Variants in DMRT2 observed in about 807,000 individuals in gnomAD.
DMRT2 encodes doublesex- and mab-3-related transcription factor 2.
In DMRT2, 33 loss-of-function variants were observed where a neutral mutation model predicts 43.5. That is an observed-to-expected ratio of 0.76 (90% confidence interval 0.58 to 1.01). The LOEUF (loss-of-function observed/expected upper bound fraction) is 1.01. Among genes scored for constraint, DMRT2 ranks in the 50% least tolerant of loss-of-function variants. The probability of loss-of-function intolerance (pLI) is 0.00; values close to 1 mark genes in which losing one functional copy is unlikely to be tolerated. For missense variants in DMRT2, 1,064 were observed against 748.0 expected (o/e 1.42, Z -4.93); for synonymous variants, 395 against 309.2 (o/e 1.28, Z -2.91).
At chr9:1,052,219 C>A (rs1009119554) in intron 2 of DMRT2, 81 bp downstream of exon 2, 1 of 1,180,040 alleles carries the variant, frequency 8.5e-7, no homozygotes, top group Non-Finnish European at 1.1e-6. Context: ...CCGTCCACAC[C>A]CCCCGCGCCC....
chr9:1,054,527 T>A (rs1302833957), intron 3 of DMRT2: 1 of 151,962 alleles, frequency 6.6e-6, no homozygotes, highest in Non-Finnish European at 1.5e-5. Flanking sequence ...GCAAGCGAAG[T>A]GGAGGTTGAA....
rs754033173 is a variant in DMRT2, at chr9:1,056,684, C to T, written c.1097C>T (p.Ser366Leu). 1 of 1,614,212 alleles carries T rather than the reference C, an allele frequency of 6.2e-7. No homozygotes were observed. Among genetic ancestry groups the T allele is most frequent in the Non-Finnish European group, 8.5e-7 (1 of 1,180,038 alleles). ...YQQCLLNATT[S>L]VQALKPGASW... is the part of the protein sequence containing the mutation. Reference sequence around the variant, plus strand: ...CAATGCCTGCTAAATGCCACCACCTCAGTTCAAGCCCTGAAGCCTGGGGCC... The same window carrying T: ...CAATGCCTGCTAAATGCCACCACCTTAGTTCAAGCCCTGAAGCCTGGGGCC... The change falls in exon 4 of 4, where the codon TCA becomes TTA. Residue 366 changes from serine to leucine, a missense_variant. Ser to Leu is a moderately radical substitution (Grantham distance 145, BLOSUM62 -2). Coordinates refer to ENST00000358146, the MANE Select transcript of DMRT2 (RefSeq NM_181872.6).
At chr9:1,052,264 A>T in intron 2 of DMRT2, 126 bp downstream of exon 2, 3 of 691,724 alleles carry the variant, frequency 4.3e-6, no homozygotes, top group Non-Finnish European at 4.1e-6. Flanking sequence ...CCTAGGAAGG[A>T]TGGTAAGAAC....
chr9:1,057,346 A>C lies in DMRT2; in HGVS notation c.*73A>C. 6.8e-7 allele frequency: 1 copy of C among 1,471,558 alleles called. No homozygotes were observed. The highest frequency in any genetic ancestry group is 2.3e-5 in the Admixed American group (1 of 43,150). 91.2% of individuals were successfully genotyped at this position (1,471,558 alleles called of 1,614,324 possible). On this transcript the variant is annotated 3_prime_UTR_variant, in exon 4 of 4. Transcript: ENST00000358146. ...ATAGCCATTTGCTACTTTTTTTAAA[A>C]GTTAAGATGTTTGTGTAAAGAAATT... is the stretch of plus-strand genomic sequence containing the variant.
At chr9:1,053,427 A>G (rs550750445) in intron 2 of DMRT2, among the ~76,000 whole-genome samples, 1 of 152,288 alleles carries the variant, frequency 6.6e-6, no homozygotes, top group Non-Finnish European at 1.5e-5. Context: ...TCCCTCCGGG[A>G]TGTCCCCTCA....
In DMRT2 at chr9:1,052,147, C is replaced by T; in HGVS notation, c.525+9C>T. On this transcript the variant is annotated intron_variant, in intron 2 of 3. Transcript: ENST00000358146. ...GGCAGCAGGCCACCGAGGTGCGTACCCGCCCGGCCCGGGCGTCTCAGGCCA... is the reference window on the plus strand; with the variant it reads ...GGCAGCAGGCCACCGAGGTGCGTACTCGCCCGGCCCGGGCGTCTCAGGCCA... 1.5e-6 allele frequency: 2 copies of T among 1,373,840 alleles called. No homozygotes were observed. The highest frequency in any genetic ancestry group is 1.9e-6 in the Non-Finnish European group (2 of 1,069,844). 85.1% of individuals were successfully genotyped at this position (1,373,840 alleles called of 1,614,324 possible).
chr9:1,052,049 G>C lies in DMRT2; in HGVS notation c.436G>C (p.Asp146His). The change falls in exon 2 of 4, where the codon GAC (aspartate) becomes CAC (histidine). Residue 146 changes from aspartate (D) to histidine (H), a missense_variant. By Grantham distance (81) the Asp-to-His change is moderately conservative. Transcript: ENST00000358146. ...CCACAAGCGCTTCTGTCGCTGGCGCGACTGCCAGTGCGCCAACTGCCTGCT... is the reference window on the plus strand; with the variant it reads ...CCACAAGCGCTTCTGTCGCTGGCGCCACTGCCAGTGCGCCAACTGCCTGCT... ...KGHKRFCRWR[D>H]CQCANCLLVV... The C allele has an allele frequency of 6.8e-7, 1 of 1,471,592 alleles. No homozygotes were observed. Among genetic ancestry groups the C allele is most frequent in the Non-Finnish European group, 8.9e-7 (1 of 1,117,842 alleles). 91.2% of individuals were successfully genotyped at this position (1,471,592 alleles called of 1,614,324 possible).
At chr9:1,056,052 T>G (rs115628248) in intron 3 of DMRT2, 164 bp from the exon 4 acceptor site, 1 of 1,435,344 alleles carries the variant, frequency 7.0e-7, no homozygotes, top group Non-Finnish European at 9.1e-7. Flanking sequence ...CAGGAAACTC[T>G]TTCAAACCTA....
rs770188466 is a variant in DMRT2 at position 1,057,128 on chromosome 9, A to G, written c.1541A>G (p.Tyr514Cys). Residue 514 changes from tyrosine to cysteine, a missense_variant, in exon 4 of 4, where the codon TAC becomes TGC. By Grantham distance (194) the Tyr-to-Cys change is radical. Transcript: ENST00000358146. Reference sequence around the variant, plus strand: ...TGTTTAGTTAAGGACAACCAGAAGTACACATTTACAATAGATAGATGTGCA... The same window carrying G: ...TGTTTAGTTAAGGACAACCAGAAGTGCACATTTACAATAGATAGATGTGCA... ...RECLVKDNQK[Y>C]TFTIDRCAKD... The G allele has an allele frequency of 2.5e-6, 4 of 1,614,168 alleles. No individual in the cohort carries two copies. The East Asian group carries it at 8.9e-5, about 36-fold the overall frequency.
At chr9:1,054,648 A>G (rs1000232486) in intron 3 of DMRT2, 8 of 152,072 alleles carry the variant, frequency 5.3e-5, no homozygotes, top group Non-Finnish European at 1.2e-4. Flanking sequence ...AAGCATCTCT[A>G]TTTGGGTATG....
intron 2 of DMRT2, among the ~76,000 whole-genome samples, chr9:1,053,276 G>T (rs1821739086): frequency 6.6e-6 from 1 of 152,224 alleles, no homozygotes; most frequent in South Asian, 2.1e-4. Context: ...CCCTGCCACA[G>T]GGAGAAATCC....
chr9:1,054,789 G>T (rs1215280027), intron 3 of DMRT2: 1 of 152,188 alleles, frequency 6.6e-6, no homozygotes, highest in Non-Finnish European at 1.5e-5. Context: ...CAGGTTGAAA[G>T]TAAACAAAAA....
At chr9:1,055,720 A>C (rs1317657846) in intron 3 of DMRT2, 2 of 1,467,414 alleles carry the variant, frequency 1.4e-6, no homozygotes, top group Non-Finnish European at 1.8e-6. Flanking sequence ...CTTTTTTCCT[A>C]GTTCTCCTTG....
At position 1,057,107 on chromosome 9, in the gene DMRT2, T is replaced by C. The variant is rs1448026805; in HGVS notation, c.1520T>C (p.Leu507Ser). 2 of 1,613,926 alleles carry C rather than the reference T, an allele frequency of 1.2e-6. No individual in the cohort carries two copies. Among genetic ancestry groups the C allele is most frequent in the African/African-American group, 2.7e-5 (2 of 74,876 alleles). The change falls in exon 4 of 4, where the codon TTA becomes TCA. Residue 507 changes from leucine (L) to serine (S), a missense_variant. Transcript: ENST00000358146. Reference sequence around the variant, plus strand: ...ACCCCTAAGAAACACAGAGAGTGTTTAGTTAAGGACAACCAGAAGTACACA... The same window carrying C: ...ACCCCTAAGAAACACAGAGAGTGTTCAGTTAAGGACAACCAGAAGTACACA... ...EETPKKHREC[L>S]VKDNQKYTFT...
chr9:1,055,685 A>ATCTCCTT (rs777706209), intron 3 of DMRT2: 1 of 1,460,030 alleles, frequency 6.8e-7, no homozygotes, highest in South Asian at 1.4e-5. Flanking sequence ...CTACTCGCTA[A>ATCTCCTT]TCTCCTTTAA....
At chr9:1,053,209 G>C (rs1354089852) in intron 2 of DMRT2, 1 of 152,538 alleles carries the variant, frequency 6.6e-6, no homozygotes, top group Non-Finnish European at 1.5e-5. Context: ...TTTGGAGTTT[G>C]CAGCCGGACC....
intron 1 of DMRT2, among the ~76,000 whole-genome samples, chr9:1,050,992 C>T (rs190205220): frequency 1.3e-5 from 2 of 152,106 alleles, no homozygotes; most frequent in African/African-American, 4.8e-5. Context: ...CTAATGACAA[C>T]AAAATTTTGG....
At position 1,051,773 on chromosome 9, in the gene DMRT2, G is replaced by C. The variant is rs1821601832; in HGVS notation, c.160G>C (p.Gly54Arg). The C allele has an allele frequency of 6.6e-7, 1 of 1,519,302 alleles. No individual in the cohort carries two copies. The highest frequency in any genetic ancestry group is 1.2e-5 in the South Asian group (1 of 82,134). 94.1% of individuals were successfully genotyped at this position (1,519,302 alleles called of 1,614,324 possible). ...GDCEDDEDDD[G>R]VDEDAEEEGD... is the part of the protein sequence containing the mutation. ...CTGCGAGGACGACGAAGATGACGAC[G>C]GGGTGGACGAAGACGCGGAAGAAGA... The change falls in exon 2 of 4, where the codon GGG becomes CGG. Residue 54 changes from glycine to arginine, a missense_variant. Gly to Arg is a moderately radical substitution (Grantham distance 125). Coordinates refer to ENST00000358146, the MANE Select transcript of DMRT2 (RefSeq NM_181872.6). This position sits in a 1 kb window ranked among gnomAD's most constrained non-coding sequence, Gnocchi z 5.9.
At position 1,056,530 on chromosome 9, in the gene DMRT2, G is replaced by A; in HGVS notation, c.943G>A (p.Gly315Arg). The A allele has an allele frequency of 6.2e-7, 1 of 1,614,206 alleles. No homozygotes were observed. Reference protein sequence around the residue: ...TCLDLTMQYSGSGNMELISSN... With the variant: ...TCLDLTMQYSRSGNMELISSN... Reference sequence around the variant, plus strand: ...CCTTGATTTAACCATGCAGTATTCAGGGTCTGGGAATATGGAACTAATTTC... The same window carrying A: ...CCTTGATTTAACCATGCAGTATTCAAGGTCTGGGAATATGGAACTAATTTC... Residue 315 changes from glycine (G) to arginine (R), a missense_variant, in exon 4 of 4, where the codon GGG becomes AGG. By Grantham distance (125) the Gly-to-Arg change is moderately radical. Coordinates refer to ENST00000358146, the MANE Select transcript of DMRT2 (RefSeq NM_181872.6).
Sources: allele counts gnomAD v4.1 joint callset (sites outside exome capture counted in the v4.1 genomes callset), GRCh38; gene constraint gnomAD v4.1.1; non-coding constraint Gnocchi (gnomAD v3.1); transcripts MANE v1.5; gene names NCBI Gene and HGNC (gene_info 2026-07-23, HGNC 2026-07-21).